The following ATF6 variants were observed in gnomAD, a reference collection of about 807,000 sequenced individuals.
The protein encoded by ATF6 is cyclic AMP-dependent transcription factor ATF-6 alpha.
ATF6 carries 53 observed loss-of-function variants against 83.6 expected under a neutral mutation model. That is an observed-to-expected ratio of 0.63 (90% CI 0.51 to 0.80). ATF6 has a LOEUF of 0.80. ATF6 is among the 30% of genes least tolerant of loss of function. The pLI is 0.00. For synonymous variants in ATF6, 288 were observed against 285.8 expected (o/e 1.01, Z -0.08); for missense variants, 744 against 797.9 (o/e 0.93, Z 0.81).
intron 11 of ATF6, among the ~76,000 whole-genome samples, 173 bp downstream of exon 11, chr1:161,852,008 G>A (rs1344468113): frequency 6.6e-6 from 1 of 152,188 alleles, no homozygotes; most frequent in African/African-American, 2.4e-5. Context: ...CATGGAGATG[G>A]TGATGGGTCT....
intron 7 of ATF6, among the ~76,000 whole-genome samples, chr1:161,810,462 G>A (rs1685428697): frequency 6.6e-6 from 1 of 152,062 alleles, no homozygotes; most frequent in Non-Finnish European, 1.5e-5. Flanking sequence ...CCCAACATTG[G>A]GGATTACAAT....
At chr1:161,821,227 T>C in intron 9 of ATF6, 66 bp downstream of exon 9, 1 of 1,149,706 alleles carries the variant, frequency 8.7e-7, no homozygotes, top group African/African-American at 1.6e-5. Flanking sequence ...ATTCTTTAGC[T>C]TTTGTCATAA....
chr1:161,798,494 C>T (rs183570606), intron 6 of ATF6, among the ~76,000 whole-genome samples: 4 of 152,298 alleles, frequency 2.6e-5, no homozygotes, highest in Admixed American at 2.6e-4. Context: ...TGCTTGTAAT[C>T]CCAGTTACTT....
intron 7 of ATF6, among the ~76,000 whole-genome samples, chr1:161,818,825 A>G (rs186776870): frequency 4.2e-3 from 643 of 152,338 alleles, no homozygotes; most frequent in South Asian, 0.016. Context: ...AAAAGAAAAG[A>G]TGGGTAGCAG....
intron 14 of ATF6, among the ~76,000 whole-genome samples, chr1:161,887,997 T>C (rs1206391275): frequency 6.6e-6 from 1 of 152,228 alleles, no homozygotes; most frequent in Non-Finnish European, 1.5e-5. Flanking sequence ...AAAAAACAAC[T>C]GCTGATTGCT....
At chr1:161,820,143 A>G (rs961201127) in intron 8 of ATF6, among the ~76,000 whole-genome samples, 2 of 147,434 alleles carry the variant, frequency 1.4e-5, no homozygotes, top group African/African-American at 5.0e-5. Context: ...AAAAAAGAAA[A>G]CAATATAAAA....
chr1:161,925,487 A>G (rs139388420), intron 15 of ATF6, among the ~76,000 whole-genome samples: 22 of 152,218 alleles, frequency 1.4e-4, no homozygotes, highest in African/African-American at 5.1e-4. Context: ...ACATTCAGAG[A>G]AGGCTTCCCT....
chr1:161,905,221 C>T (rs1654108214), intron 14 of ATF6, among the ~76,000 whole-genome samples: 1 of 152,132 alleles, frequency 6.6e-6, no homozygotes, highest in Non-Finnish European at 1.5e-5. Flanking sequence ...GTTCCCTTCC[C>T]ACCCTGCTGT....
chr1:161,777,403 G>C (rs895125494), intron 1 of ATF6, among the ~76,000 whole-genome samples: 4 of 152,130 alleles, frequency 2.6e-5, no homozygotes, highest in African/African-American at 9.7e-5. Flanking sequence ...AATTGGTCAG[G>C]TTAATAACAG....
intron 9 of ATF6, among the ~76,000 whole-genome samples, chr1:161,834,237 A>G (rs1183110825): frequency 2.6e-5 from 4 of 152,190 alleles, no homozygotes; most frequent in South Asian, 2.1e-4. Context: ...GGCCTGCCCT[A>G]CAAGAGCTCC....
intron 14 of ATF6, among the ~76,000 whole-genome samples, chr1:161,910,463 T>C (rs995444788): frequency 3.3e-5 from 5 of 152,184 alleles, no homozygotes. Context: ...AACTAGTTTG[T>C]TAGAAATTTA....
At chr1:161,956,456 T>G (rs1026720195) in intron 15 of ATF6, among the ~76,000 whole-genome samples, 1 of 152,214 alleles carries the variant, frequency 6.6e-6, no homozygotes, top group Non-Finnish European at 1.5e-5. Flanking sequence ...TTCTTTCATC[T>G]CCTACTTTTT....
At chr1:161,928,006 C>T (rs1013805572) in intron 15 of ATF6, among the ~76,000 whole-genome samples, 9 of 152,094 alleles carry the variant, frequency 5.9e-5, no homozygotes, top group Admixed American at 5.9e-4. Context: ...CATTCAGGTT[C>T]AGCTCCCCTT....
chr1:161,846,452 G>A lies in ATF6; in HGVS notation c.1191G>A (p.Met397Ile), dbSNP rs1285628089. The change falls in exon 10 of 16, where the codon ATG (methionine) becomes ATA (isoleucine). Residue 397 changes from methionine to isoleucine, a missense_variant. By Grantham distance (10) the Met-to-Ile change is conservative. Transcript: ENST00000367942. ...FIILNYGPMS[M>I]LEQDSRRMNP... ...ATTTCCTGTTTTTTATTTTCAGCAT[G>A]TTGGAACAGGATTCCAGGAGAATGA... The A allele has an allele frequency of 1.9e-6, 3 of 1,599,130 alleles. No homozygotes were observed. The highest frequency in any genetic ancestry group is 1.7e-6 in the Non-Finnish European group (2 of 1,173,962).
chr1:161,828,579 AAG>A (rs1685963044), intron 9 of ATF6, among the ~76,000 whole-genome samples: 1 of 152,182 alleles, frequency 6.6e-6, no homozygotes, highest in Non-Finnish European at 1.5e-5. Context: ...TGGTTGCCAA[AAG>A]AGGGGAACAA....
At chr1:161,772,982 T>TTTTG (rs1684425158) in intron 1 of ATF6, among the ~76,000 whole-genome samples, 1 of 148,548 alleles carries the variant, frequency 6.7e-6, no homozygotes, top group Non-Finnish European at 1.5e-5. Flanking sequence ...TTTTTTTTTT[T>TTTTG]TTTGAGACAG....
At position 161,932,261 on chromosome 1, in the gene ATF6, A is replaced by G. The variant is rs930277584; in HGVS notation, c.1804+19881A>G. 3.9e-5 allele frequency among the ~76,000 whole-genome samples: 6 copies of G among 152,282 alleles called. No homozygotes were observed. The East Asian group carries it at 5.8e-4, about 15-fold the overall frequency. ...TGGGGTGTTTGTATTCCACTATTGT[A>G]CTTTTTAAGACAATATTATTTTACA... On this transcript the variant is annotated intron_variant, in intron 15 of 15. Coordinates refer to ENST00000367942, the MANE Select transcript of ATF6 (RefSeq NM_007348.4).
intron 9 of ATF6, among the ~76,000 whole-genome samples, chr1:161,844,317 A>T (rs1015875609): frequency 3.9e-5 from 6 of 152,206 alleles, no homozygotes; most frequent in African/African-American, 1.4e-4. Flanking sequence ...TATAATCTTG[A>T]AAAAGAAAGC....
At chr1:161,817,698 G>T (rs1685647142) in intron 7 of ATF6, among the ~76,000 whole-genome samples, 1 of 152,106 alleles carries the variant, frequency 6.6e-6, no homozygotes, top group Non-Finnish European at 1.5e-5. Flanking sequence ...CTGATTTAAA[G>T]GTTGTTGAAA....
Sources: gnomAD v4.1 joint callset for allele counts (sites outside exome capture counted in the v4.1 genomes callset) on GRCh38, gnomAD v4.1.1 for gene constraint, MANE v1.5 for transcripts, NCBI Gene and HGNC (gene_info 2026-07-23, HGNC 2026-07-21) for gene names.